GALNT17: variants seen among roughly 807,000 people sequenced by gnomAD.
The protein encoded by GALNT17 is UDP-GalNAc:polypeptide N-acetylgalactosaminyltransferase-like 3.
Under a neutral mutation model 63.7 loss-of-function variants are expected in GALNT17, and 29 were observed. That is an observed-to-expected ratio of 0.46 (90% confidence interval 0.34 to 0.62). GALNT17 has a LOEUF of 0.62. Ranked by LOEUF, GALNT17 falls within the 20% of genes least tolerant of loss-of-function variation. The probability of loss-of-function intolerance (pLI) is 0.01; values close to 1 mark genes in which losing one functional copy is unlikely to be tolerated. For missense variants in GALNT17, 603 were observed against 799.6 expected (o/e 0.75, Z 2.97); for synonymous variants, 305 against 318.3 (o/e 0.96, Z 0.45).
chr7:71,484,742 T>C (rs1218112380), intron 5 of GALNT17, among the ~76,000 whole-genome samples: 1 of 152,020 alleles, frequency 6.6e-6, no homozygotes, highest in East Asian at 1.9e-4. Context: ...GGTTTCCTAT[T>C]GGTTTTATTT....
chr7:71,416,871 G>A (rs898436857), intron 4 of GALNT17, among the ~76,000 whole-genome samples: 3 of 152,106 alleles, frequency 2.0e-5, no homozygotes, highest in Non-Finnish European at 4.4e-5. Context: ...CTGCAGATAG[G>A]CCCTGATATT....
intron 1 of GALNT17, among the ~76,000 whole-genome samples, chr7:71,263,787 G>A (rs1583810766): frequency 6.6e-6 from 1 of 152,092 alleles, no homozygotes; most frequent in Non-Finnish European, 1.5e-5. Context: ...TAGCCGGCGT[G>A]GTGGCAGGCG....
At position 71,415,925 on chromosome 7, in the gene GALNT17, A is replaced by G. The variant is rs747241431; in HGVS notation, c.626A>G (p.Lys209Arg). The change falls in exon 4 of 11, where the codon AAA becomes AGA. Residue 209 changes from lysine (K) to arginine (R), a missense_variant. Around this residue, in one of 3 missense-constraint regions of GALNT17, gnomAD observed 336 missense variants for 507.8 expected, o/e 0.66. Coordinates refer to ENST00000333538, the MANE Select transcript of GALNT17 (RefSeq NM_022479.3). ...GTCCCCCTAGAGGAGTATGTCCACA[A>G]ACGCTACCCCGGGCTGGTGAAGGTG... Reference protein sequence around the residue: ...LKVPLEEYVHKRYPGLVKVVR... With the variant: ...LKVPLEEYVHRRYPGLVKVVR... 2 of 1,612,896 alleles carry G rather than the reference A, an allele frequency of 1.2e-6. No individual in the cohort carries two copies. Among genetic ancestry groups the G allele is most frequent in the South Asian group, 1.1e-5 (1 of 90,658 alleles).
At chr7:71,358,659 C>G (rs1792337516) in intron 2 of GALNT17, among the ~76,000 whole-genome samples, 2 of 152,166 alleles carry the variant, frequency 1.3e-5, no homozygotes, top group African/African-American at 4.8e-5. Flanking sequence ...GTAATTTGTT[C>G]TTTTAACTGT....
intron 5 of GALNT17, among the ~76,000 whole-genome samples, chr7:71,550,157 T>C (rs1789051309): frequency 1.3e-5 from 2 of 151,948 alleles, no homozygotes; most frequent in Non-Finnish European, 2.9e-5. Context: ...ACAGGTTCAT[T>C]GTAAAGGCAT....
chr7:71,318,411 C>CTTTTTTTT (rs747726741), intron 1 of GALNT17, among the ~76,000 whole-genome samples: 6 of 134,392 alleles, frequency 4.5e-5, no homozygotes, highest in South Asian at 2.4e-4. Flanking sequence ...CCCTGAAGCT[C>CTTTTTTTT]TTTTTTTTTT....
intron 1 of GALNT17, among the ~76,000 whole-genome samples, chr7:71,284,968 T>C (rs766174056): frequency 2.6e-5 from 4 of 151,934 alleles, no homozygotes; most frequent in Non-Finnish European, 5.9e-5. Flanking sequence ...ATCCAAGGTG[T>C]TATGGGGCCT....
chr7:71,627,352 G>A (rs891954658), intron 6 of GALNT17, among the ~76,000 whole-genome samples: 1 of 152,194 alleles, frequency 6.6e-6, no homozygotes, highest in Non-Finnish European at 1.5e-5. Flanking sequence ...CCAGGAGTTC[G>A]AGGCCACAGT....
At position 71,371,434 on chromosome 7, in the gene GALNT17, C is replaced by T. The variant is rs75866432; in HGVS notation, c.423-16801C>T. 7.2e-5 allele frequency among the ~76,000 whole-genome samples: 11 copies of T among 151,838 alleles called. No homozygotes were observed. In the East Asian group the frequency reaches 2.1e-3, roughly 29 times the overall value. ...CTACCTGTTTTTATAAGTTTGTTAG[C>T]CATTTGTCTCTTTTGTTATATGAAT... On this transcript the variant is annotated intron_variant, in intron 2 of 10. Transcript: ENST00000333538.
At chr7:71,151,966 A>G (rs116772357) in intron 1 of GALNT17, among the ~76,000 whole-genome samples, 1,864 of 152,310 alleles carry the variant, frequency 0.012, 38 homozygotes, top group African/African-American at 0.043. Context: ...AAGTTCCACA[A>G]TTTCCTTTAG....
At chr7:71,222,716 G>A (rs1789609545) in intron 1 of GALNT17, among the ~76,000 whole-genome samples, 1 of 152,172 alleles carries the variant, frequency 6.6e-6, no homozygotes, top group Non-Finnish European at 1.5e-5. Context: ...GAGAGGTGAT[G>A]TGTCCTTCTA....
At chr7:71,444,719 C>CA (rs1360318729) in intron 5 of GALNT17, among the ~76,000 whole-genome samples, 1 of 152,128 alleles carries the variant, frequency 6.6e-6, no homozygotes, top group Non-Finnish European at 1.5e-5. Context: ...CCCAGCTACT[C>CA]AGGAGGCTGA....
intron 1 of GALNT17, among the ~76,000 whole-genome samples, chr7:71,146,175 G>T (rs932322610): frequency 1.3e-5 from 2 of 152,030 alleles, no homozygotes; most frequent in African/African-American, 4.8e-5. Context: ...AGCTCCCCAC[G>T]CCCTGAGTGA....
intron 5 of GALNT17, among the ~76,000 whole-genome samples, chr7:71,501,385 C>T (rs1788178154): frequency 6.6e-6 from 1 of 152,178 alleles, no homozygotes; most frequent in African/African-American, 2.4e-5. Flanking sequence ...CAGCCTCAGC[C>T]TCCCGAGTAG....
chr7:71,578,805 G>C (rs185381972), intron 6 of GALNT17, among the ~76,000 whole-genome samples: 58 of 152,136 alleles, frequency 3.8e-4, no homozygotes, highest in Admixed American at 8.5e-4. Context: ...CTGCCCTCCT[G>C]ATCCCCGCCC....
chr7:71,576,714 G>A (rs1473506172), intron 6 of GALNT17, among the ~76,000 whole-genome samples: 1 of 152,082 alleles, frequency 6.6e-6, no homozygotes, highest in Non-Finnish European at 1.5e-5. Flanking sequence ...GGGACTACAG[G>A]CACACACCAT....
At chr7:71,447,009 A>G (rs1787173569) in intron 5 of GALNT17, among the ~76,000 whole-genome samples, 2 of 152,152 alleles carry the variant, frequency 1.3e-5, no homozygotes, top group African/African-American at 4.8e-5. Flanking sequence ...CTCTCCCGCA[A>G]ATTCACACAC....
At chr7:71,312,198 G>A (rs756883474) in intron 1 of GALNT17, among the ~76,000 whole-genome samples, 19 of 152,212 alleles carry the variant, frequency 1.2e-4, no homozygotes, top group Admixed American at 5.2e-4. Flanking sequence ...CCTGGGGTTA[G>A]CCCTGCTCTG....
chr7:71,446,931 G>T (rs1029086180), intron 5 of GALNT17, among the ~76,000 whole-genome samples: 5 of 152,102 alleles, frequency 3.3e-5, no homozygotes, highest in Non-Finnish European at 5.9e-5. Flanking sequence ...TTTGAGATGT[G>T]GGCATTACTT....
Sources: allele counts gnomAD v4.1 joint callset (sites outside exome capture counted in the v4.1 genomes callset), GRCh38; gene constraint gnomAD v4.1.1; regional missense constraint gnomAD v4.1.1; transcripts MANE v1.5; gene names NCBI Gene and HGNC (gene_info 2026-07-23, HGNC 2026-07-21).